Variants in CDC37L1 observed in about 807,000 individuals in gnomAD.
The protein encoded by CDC37L1 is cell division cycle 37 like 1, HSP90 cochaperone.
CDC37L1 carries 32 observed loss-of-function variants against 45.9 expected under a neutral mutation model. That is an observed-to-expected ratio of 0.70 (90% CI 0.53 to 0.94). The LOEUF (loss-of-function observed/expected upper bound fraction) is 0.94, where lower values mean the gene tolerates loss of function less well. Among genes scored for constraint, CDC37L1 ranks in the 40% least tolerant of loss-of-function variants. CDC37L1 has a pLI of 0.00. For missense variants in CDC37L1, 434 were observed against 405.7 expected (o/e 1.07, Z -0.60); for synonymous variants, 150 against 133.0 (o/e 1.13, Z -0.88).
At chr9:4,703,121 A>G (rs1330034029) in intron 6 of CDC37L1, 2 of 1,534,940 alleles carry the variant, frequency 1.3e-6, no homozygotes, top group East Asian at 2.5e-5. Context: ...AGCCAGTTTA[A>G]TCTGTTGTCT....
chr9:4,700,149 T>C (rs958815456), intron 5 of CDC37L1, among the ~76,000 whole-genome samples: 3 of 151,934 alleles, frequency 2.0e-5, no homozygotes, highest in East Asian at 3.8e-4. Context: ...TTCTGGTGAC[T>C]AGTCTAAACT....
At position 4,701,956 on chromosome 9, in the gene CDC37L1, A is replaced by G. The variant is rs778045537; in HGVS notation, c.840A>G (p.Gln280=). 2 of 1,577,880 alleles carry G rather than the reference A, an allele frequency of 1.3e-6. No individual in the cohort carries two copies. Among genetic ancestry groups the G allele is most frequent in the Admixed American group, 3.8e-5 (2 of 52,278 alleles). ...VRLYSQSQSF[Q]PMTVQNHVPH... ...TTTATTCTCAATCACAAAGTTTTCA[A>G]CCTATGACAGTTCAGAATCATGTTC... Residue 280 remains glutamine, a synonymous_variant, in exon 6 of 7, where the codon CAA becomes CAG. Coordinates refer to ENST00000381854, the MANE Select transcript of CDC37L1 (RefSeq NM_017913.4).
intron 1 of CDC37L1, among the ~76,000 whole-genome samples, chr9:4,680,146 T>C (rs1841176319): frequency 6.6e-6 from 1 of 152,222 alleles, no homozygotes; most frequent in Non-Finnish European, 1.5e-5. Context: ...CCTTGGCTGA[T>C]TCCTGTTCAC....
chr9:4,683,691 G>C (rs1264614456), intron 1 of CDC37L1, among the ~76,000 whole-genome samples: 2 of 152,192 alleles, frequency 1.3e-5, no homozygotes, highest in Admixed American at 6.5e-5. Flanking sequence ...CAGTCTAGTG[G>C]AGTGGAGAAC....
In CDC37L1 at chr9:4,707,478, G is replaced by A. The variant is rs947574781; in HGVS notation, c.*1366G>A. Reference sequence around the variant, plus strand: ...AGTGCGAAGGGACTCAGGGTGGCCAGACCTGTGACCTTGGCCTCATTTGTA... The same window carrying A: ...AGTGCGAAGGGACTCAGGGTGGCCAAACCTGTGACCTTGGCCTCATTTGTA... On this transcript the variant is annotated 3_prime_UTR_variant, in exon 7 of 7. Transcript: ENST00000381854. 3.9e-5 allele frequency: 6 copies of A among 152,248 alleles called. No homozygotes were observed. The highest frequency in any genetic ancestry group is 1.4e-4 in the African/African-American group (6 of 41,466). The allele number at this position is 152,248 out of a possible 1,614,324, so 9.4% of individuals were successfully genotyped here.
Position 4,679,811 on chromosome 9 carries a change from G to C in CDC37L1, c.44G>C (p.Arg15Pro), listed in dbSNP as rs769148024. 8.6e-5 allele frequency: 138 copies of C among 1,613,720 alleles called. No homozygotes were observed. Among genetic ancestry groups the C allele is most frequent in the Non-Finnish European group, 1.1e-4 (133 of 1,179,896 alleles). The change falls in exon 1 of 7, where the codon CGG (arginine) becomes CCG (proline). Residue 15 changes from arginine to proline, a missense_variant. By Grantham distance (103) the Arg-to-Pro change is moderately radical. Coordinates refer to ENST00000381854, the MANE Select transcript of CDC37L1 (RefSeq NM_017913.4). Reference protein sequence around the residue: ...WPPPGPWSLPRAEGEAEEESD... With the variant: ...WPPPGPWSLPPAEGEAEEESD... ...CCTCCGGGACCCTGGAGCCTCCCTC[G>C]GGCCGAGGGTGAGGCTGAGGAAGAG... is the stretch of plus-strand genomic sequence containing the variant.
intron 3 of CDC37L1, among the ~76,000 whole-genome samples, chr9:4,689,812 C>G (rs1841284992): frequency 6.6e-6 from 1 of 152,192 alleles, no homozygotes; most frequent in East Asian, 1.9e-4. Flanking sequence ...GCCTACAGTC[C>G]TTGCTTTCTA....
At chr9:4,688,423 A>G (rs1841270631) in intron 2 of CDC37L1, 90 bp from the exon 3 acceptor site, 6 of 700,934 alleles carry the variant, frequency 8.6e-6, no homozygotes, top group South Asian at 4.5e-5. Flanking sequence ...TATATTGTCT[A>G]TAGGAAGAAT....
intron 1 of CDC37L1, 32 bp from the exon 2 acceptor site, chr9:4,684,845 C>T (rs1303918178): frequency 6.5e-7 from 1 of 1,549,192 alleles, no homozygotes; most frequent in Middle Eastern, 1.7e-4. Flanking sequence ...CCATTGCTTT[C>T]TTCATTTCTT....
intron 6 of CDC37L1, 39 bp from the exon 7 acceptor site, chr9:4,705,972 T>A (rs755773882): frequency 2.0e-6 from 2 of 1,000,326 alleles, no homozygotes; most frequent in East Asian, 4.8e-5. Context: ...TATAATGCGT[T>A]CTTTTTCTCC....
At chr9:4,704,897 T>C (rs1346933098) in intron 6 of CDC37L1, among the ~76,000 whole-genome samples, 1 of 152,162 alleles carries the variant, frequency 6.6e-6, no homozygotes, top group Admixed American at 6.5e-5. Flanking sequence ...ATTGTGAATT[T>C]TGTTCTCCTT....
At chr9:4,699,041 A>G (rs1231369708) in intron 5 of CDC37L1, among the ~76,000 whole-genome samples, 1 of 152,198 alleles carries the variant, frequency 6.6e-6, no homozygotes, top group African/African-American at 2.4e-5. Context: ...CATTTCTAAC[A>G]GTAAATACTG....
chr9:4,705,394 G>A (rs1354340156), intron 6 of CDC37L1, among the ~76,000 whole-genome samples: 2 of 152,084 alleles, frequency 1.3e-5, no homozygotes, highest in African/African-American at 4.8e-5. Context: ...TCTATTCCCA[G>A]TTTTTGAAAT....
rs142124228 is a variant in CDC37L1, at chr9:4,697,450, C to T, written c.624+239C>T. Among the ~76,000 whole-genome samples, 458 of 152,136 alleles carry T rather than the reference C, an allele frequency of 3.0e-3. 2 individuals are homozygous for T. The highest frequency in any genetic ancestry group is 0.01 in the African/African-American group (427 of 41,504). On this transcript the variant is annotated intron_variant, in intron 4 of 6. Transcript: ENST00000381854. ...CACTATGCTTTCTCTGCCACTCCAC[C>T]TCCATCTCTCTTGTTTTCATATTAC... is the stretch of plus-strand genomic sequence containing the variant.
chr9:4,693,294 T>A (rs1344326842), intron 3 of CDC37L1, among the ~76,000 whole-genome samples: 8 of 143,054 alleles, frequency 5.6e-5, no homozygotes, highest in Non-Finnish European at 1.2e-4. Context: ...AAAAAAAAAA[T>A]TCGTCAGGTG....
chr9:4,700,817 G>A (rs907372314), intron 5 of CDC37L1, among the ~76,000 whole-genome samples: 4 of 152,028 alleles, frequency 2.6e-5, no homozygotes, highest in Non-Finnish European at 4.4e-5. Context: ...TAAGTAAGTG[G>A]CCCACAAATT....
At chr9:4,687,371 A>G (rs1381874075) in intron 2 of CDC37L1, among the ~76,000 whole-genome samples, 1 of 152,212 alleles carries the variant, frequency 6.6e-6, no homozygotes, top group Non-Finnish European at 1.5e-5. Context: ...GTCTCTTCTA[A>G]GAAGTTTATT....
At chr9:4,686,899 T>G (rs1466678436) in intron 2 of CDC37L1, among the ~76,000 whole-genome samples, 2 of 152,234 alleles carry the variant, frequency 1.3e-5, no homozygotes, top group African/African-American at 4.8e-5. Context: ...CCAAAAAAAG[T>G]AAAATATTAA....
At chr9:4,702,477 T>G (rs1247569956) in intron 6 of CDC37L1, among the ~76,000 whole-genome samples, 2 of 152,206 alleles carry the variant, frequency 1.3e-5, no homozygotes, top group Non-Finnish European at 2.9e-5. Flanking sequence ...AAATGTTGGG[T>G]CTACCAGATA....
Sources: allele counts gnomAD v4.1 joint callset (sites outside exome capture counted in the v4.1 genomes callset), GRCh38; gene constraint gnomAD v4.1.1; transcripts MANE v1.5; gene names NCBI Gene and HGNC (gene_info 2026-07-23, HGNC 2026-07-21).